The following TPH2 variants were observed in gnomAD, a reference collection of about 807,000 sequenced individuals.
TPH2 encodes tryptophan 5-hydroxylase 2.
In TPH2, 27 loss-of-function variants were observed where a neutral mutation model predicts 59.1. The observed-to-expected ratio is 0.46, with a 90% CI of 0.34 to 0.63. The LOEUF is 0.63. TPH2 is among the 30% of genes least tolerant of loss of function. The pLI, the probability that TPH2 is intolerant of heterozygous loss-of-function variation, is 0.01. For missense variants in TPH2, 523 were observed against 588.3 expected (o/e 0.89, Z 1.15); for synonymous variants, 220 against 210.5 (o/e 1.05, Z -0.39).
intron 2 of TPH2, among the ~76,000 whole-genome samples, chr12:71,943,632 C>T (rs1349810724): frequency 6.6e-6 from 1 of 151,676 alleles, no homozygotes; most frequent in Non-Finnish European, 1.5e-5. Context: ...ACCTTTTTTT[C>T]ACCCTCCTTG....
At chr12:71,999,630 G>T (rs1196751123) in intron 8 of TPH2, among the ~76,000 whole-genome samples, 1 of 152,156 alleles carries the variant, frequency 6.6e-6, no homozygotes, top group Non-Finnish European at 1.5e-5. Flanking sequence ...GGCCAGCTAG[G>T]TAGCACACGT....
At position 72,031,735 on chromosome 12, in the gene TPH2, G is replaced by T. The variant is rs1051533992; in HGVS notation, c.*40G>T. 2.2e-5 allele frequency: 35 copies of T among 1,611,666 alleles called. No individual in the cohort carries two copies. The highest frequency in any genetic ancestry group is 5.0e-5 in the Admixed American group (3 of 59,952). On this transcript the variant is annotated 3_prime_UTR_variant, in exon 11 of 11. Coordinates refer to ENST00000333850, the MANE Select transcript of TPH2 (RefSeq NM_173353.4). ...TTGTTGCCAGCATGATCTTTTTGGGGCTTAGCAGCAGTTCAGTCAATGTCA... is the reference window on the plus strand; with the variant it reads ...TTGTTGCCAGCATGATCTTTTTGGGTCTTAGCAGCAGTTCAGTCAATGTCA...
Position 71,958,441 on chromosome 12 carries a change from G to A in TPH2, c.608+8786G>A, listed in dbSNP as rs990888261. On this transcript the variant is annotated intron_variant, in intron 5 of 10. Coordinates refer to ENST00000333850, the MANE Select transcript of TPH2 (RefSeq NM_173353.4). ...ACTAAGTGACTTGGCATTTGTAAAA[G>A]TTATTCTCCTTACAGAATTCTCAGC... 8.5e-5 allele frequency among the ~76,000 whole-genome samples: 13 copies of A among 152,328 alleles called. No individual in the cohort carries two copies. In the East Asian group the frequency reaches 2.1e-3, roughly 25 times the overall value.
At chr12:72,026,262 A>G (rs1339376467) in intron 9 of TPH2, among the ~76,000 whole-genome samples, 1 of 151,828 alleles carries the variant, frequency 6.6e-6, no homozygotes, top group Non-Finnish European at 1.5e-5. Context: ...ATATAAACAC[A>G]TCTGTTTCGC....
intron 7 of TPH2, among the ~76,000 whole-genome samples, chr12:71,991,948 C>T (rs1461345097): frequency 6.6e-6 from 1 of 152,152 alleles, no homozygotes; most frequent in African/African-American, 2.4e-5. Flanking sequence ...AATCTCAGCC[C>T]TGGCTGTGTC....
intron 5 of TPH2, among the ~76,000 whole-genome samples, chr12:71,960,091 A>G (rs1214528248): frequency 6.6e-6 from 1 of 152,156 alleles, no homozygotes; most frequent in Non-Finnish European, 1.5e-5. Context: ...CATAAACACT[A>G]GTTGTTGATG....
intron 8 of TPH2, among the ~76,000 whole-genome samples, chr12:72,012,877 C>T (rs1392982148): frequency 6.6e-6 from 1 of 152,090 alleles, no homozygotes; most frequent in East Asian, 1.9e-4. Flanking sequence ...AGGTGGCCTT[C>T]TTTGCAGTTG....
chr12:72,003,824 T>A (rs1009079018), intron 8 of TPH2, among the ~76,000 whole-genome samples: 1 of 152,236 alleles, frequency 6.6e-6, no homozygotes, highest in Non-Finnish European at 1.5e-5. Context: ...GGAATAGTTA[T>A]ATATTTTTGC....
intron 5 of TPH2, among the ~76,000 whole-genome samples, chr12:71,959,299 G>A (rs1871609588): frequency 6.6e-6 from 1 of 152,130 alleles, no homozygotes; most frequent in South Asian, 2.1e-4. Flanking sequence ...TCAGCCATAG[G>A]TCTGCAAAGA....
intron 8 of TPH2, among the ~76,000 whole-genome samples, chr12:72,002,801 A>G (rs1319210687): frequency 6.6e-6 from 1 of 151,280 alleles, no homozygotes; most frequent in Non-Finnish European, 1.5e-5. Context: ...AATTAATAAT[A>G]CAGGGTTCTG....
chr12:71,993,993 G>A (rs1221439256), intron 7 of TPH2, among the ~76,000 whole-genome samples: 18 of 152,152 alleles, frequency 1.2e-4, no homozygotes, highest in African/African-American at 1.2e-4. Flanking sequence ...ACAAATGAAT[G>A]GGCATGGCTA....
At chr12:71,994,290 T>G (rs1872642702) in intron 7 of TPH2, 149 bp from the exon 8 acceptor site, 5 of 801,964 alleles carry the variant, frequency 6.2e-6, no homozygotes, top group Non-Finnish European at 8.3e-6. Flanking sequence ...TCAGACATAT[T>G]AAAATGATTA....
At chr12:71,965,402 A>G (rs1425013341) in intron 5 of TPH2, 2 of 152,156 alleles carry the variant, frequency 1.3e-5, no homozygotes, top group African/African-American at 4.8e-5. Flanking sequence ...ACTCCCACCA[A>G]CAGTGTATAA....
At chr12:71,969,154 G>A (rs1234215365) in intron 5 of TPH2, among the ~76,000 whole-genome samples, 4 of 152,070 alleles carry the variant, frequency 2.6e-5, no homozygotes, top group Non-Finnish European at 4.4e-5. Flanking sequence ...GTGGTGGCGG[G>A]CGCCTGTAGT....
chr12:71,982,210 G>A (rs1284950568), intron 7 of TPH2, among the ~76,000 whole-genome samples: 4 of 151,408 alleles, frequency 2.6e-5, no homozygotes, highest in East Asian at 1.9e-4. Context: ...TTGCTATATT[G>A]GCCAGGCTGG....
At chr12:71,979,137 G>T (rs780604599) in intron 7 of TPH2, 50 bp downstream of exon 7, 2 of 1,612,284 alleles carry the variant, frequency 1.2e-6, no homozygotes, top group East Asian at 2.2e-5. Flanking sequence ...AGTGGTCAAT[G>T]ATCCCTTTAC....
chr12:71,962,217 A>G, intron 5 of TPH2: 1 of 985,898 alleles, frequency 1.0e-6, no homozygotes, highest in Non-Finnish European at 1.2e-6. Flanking sequence ...CATCATTTAG[A>G]TGGTTGTTAA....
intron 5 of TPH2, among the ~76,000 whole-genome samples, chr12:71,950,951 C>T (rs1458046441): frequency 6.6e-6 from 1 of 152,172 alleles, no homozygotes; most frequent in Non-Finnish European, 1.5e-5. Context: ...CCCAGGCATC[C>T]TTCGTCCTTT....
chr12:71,954,136 C>A (rs181934677), intron 5 of TPH2, among the ~76,000 whole-genome samples: 8 of 152,194 alleles, frequency 5.3e-5, no homozygotes, highest in Admixed American at 4.6e-4. Flanking sequence ...ACAGCAGGCT[C>A]AAAGTCTGTA....
Sources: gnomAD v4.1 joint callset for allele counts (sites outside exome capture counted in the v4.1 genomes callset) on GRCh38, gnomAD v4.1.1 for gene constraint, MANE v1.5 for transcripts, NCBI Gene and HGNC (gene_info 2026-07-23, HGNC 2026-07-21) for gene names.